The following LOC400499 variants were observed in gnomAD, a reference collection of about 807,000 sequenced individuals.
chr16:11,474,221 TGTGGGACAAA>T, the LOC400499 span, among the ~76,000 whole-genome samples: 2 of 152,212 alleles, frequency 1.3e-5, no homozygotes, highest in East Asian at 3.8e-4. Flanking sequence ...GCTCTGCTGT[TGTGGGACAAA>T]GTGGCTACAG....
At chr16:11,434,917 C>T in the LOC400499 span, among the ~76,000 whole-genome samples, 71,293 of 151,992 alleles carry the variant, frequency 0.47, 16,904 homozygotes, top group South Asian at 0.57. Context: ...TGAGACCAGA[C>T]GGAGACGCAC....
At chr16:11,383,307 T>C in the LOC400499 span, among the ~76,000 whole-genome samples, 1 of 152,192 alleles carries the variant, frequency 6.6e-6, no homozygotes, top group Non-Finnish European at 1.5e-5. Flanking sequence ...GACCTCGTGA[T>C]GCACCCACCT....
chr16:11,385,867 C>G, the LOC400499 span, among the ~76,000 whole-genome samples: 1 of 152,148 alleles, frequency 6.6e-6, no homozygotes, highest in Non-Finnish European at 1.5e-5. Context: ...GCCACTGAAT[C>G]GTACACTTAA....
chr16:11,408,975 G>C, the LOC400499 span, among the ~76,000 whole-genome samples: 2 of 151,808 alleles, frequency 1.3e-5, no homozygotes, highest in Non-Finnish European at 2.9e-5. Flanking sequence ...ATAAAATGTT[G>C]GGGGGCCAGA....
chr16:11,523,273 C>T, the LOC400499 span: 1 of 397,110 alleles, frequency 2.5e-6, no homozygotes, highest in Non-Finnish European at 4.4e-6. Flanking sequence ...CCTTGGTCCT[C>T]CCAACTGGTA....
the LOC400499 span, among the ~76,000 whole-genome samples, chr16:11,479,393 G>A: frequency 1.5e-3 from 230 of 151,918 alleles, 2 homozygotes; most frequent in Admixed American, 3.9e-3. Context: ...AAAGAGGATC[G>A]CTTGAGGCCA....
At chr16:11,498,175 T>C in the LOC400499 span, among the ~76,000 whole-genome samples, 1 of 152,136 alleles carries the variant, frequency 6.6e-6, no homozygotes, top group African/African-American at 2.4e-5. Flanking sequence ...AGAACTTTTG[T>C]TCATTGAAAG....
At chr16:11,455,741 G>GAAAAAAAA in the LOC400499 span, among the ~76,000 whole-genome samples, 11 of 131,566 alleles carry the variant, frequency 8.4e-5, no homozygotes, top group East Asian at 2.4e-4. Flanking sequence ...TCTCAAAAAA[G>GAAAAAAAA]AAAAAAAAAA....
the LOC400499 span, chr16:11,446,885 G>C: frequency 6.5e-7 from 1 of 1,535,764 alleles, no homozygotes; most frequent in African/African-American, 1.4e-5. Context: ...AGGAGGCTCT[G>C]CGGGATGGGC....
At chr16:11,523,325 T>C in the LOC400499 span, 543 of 398,464 alleles carry the variant, frequency 1.4e-3, 2 homozygotes, top group Middle Eastern at 6.3e-3. Context: ...CTGTCTCTAA[T>C]CCCATCTTAC....
At chr16:11,519,709 T>C in the LOC400499 span, among the ~76,000 whole-genome samples, 1 of 147,696 alleles carries the variant, frequency 6.8e-6, no homozygotes, top group African/African-American at 2.5e-5. Context: ...TGACTCCACT[T>C]TTTTTTTTTT....
At chr16:11,461,268 G>A in the LOC400499 span, 3 of 975,424 alleles carry the variant, frequency 3.1e-6, no homozygotes, top group African/African-American at 1.6e-5. Flanking sequence ...TGCACAACAG[G>A]CCACAGACAG....
the LOC400499 span, chr16:11,518,764 CAG>C: frequency 3.0e-5 from 12 of 396,818 alleles, no homozygotes; most frequent in Admixed American, 2.6e-4. Flanking sequence ...CTCTTTGCTA[CAG>C]AGAGGTCACC....
At chr16:11,397,214 G>C in the LOC400499 span, among the ~76,000 whole-genome samples, 1 of 152,328 alleles carries the variant, frequency 6.6e-6, no homozygotes, top group South Asian at 2.1e-4. Context: ...AATGAACAGA[G>C]GAAAAGATAA....
At chr16:11,520,077 A>G in the LOC400499 span, among the ~76,000 whole-genome samples, 2 of 152,174 alleles carry the variant, frequency 1.3e-5, no homozygotes, top group African/African-American at 4.8e-5. Flanking sequence ...AGAGGGGACT[A>G]GAGTCTGCAG....
chr16:11,393,566 G>A, the LOC400499 span: 1 of 1,232,350 alleles, frequency 8.1e-7, no homozygotes, highest in Non-Finnish European at 1.0e-6. Context: ...GAAGCTGGGA[G>A]GGGGAAGGCA....
chr16:11,509,974 A>C, the LOC400499 span, among the ~76,000 whole-genome samples: 1 of 146,844 alleles, frequency 6.8e-6, no homozygotes, highest in Non-Finnish European at 1.5e-5. Flanking sequence ...GACTCATTTT[A>C]ACCGTGTCCT....
the LOC400499 span, among the ~76,000 whole-genome samples, chr16:11,411,015 A>G: frequency 6.6e-6 from 1 of 152,256 alleles, no homozygotes; most frequent in South Asian, 2.1e-4. Flanking sequence ...CCCATCTCCC[A>G]AAGGGCTTGT....
chr16:11,401,210 T>C, the LOC400499 span: 1 of 398,892 alleles, frequency 2.5e-6, no homozygotes, highest in Non-Finnish European at 4.4e-6. Context: ...ACAGGCTCAG[T>C]CACGCGGCTC....
Sources: gnomAD v4.1 joint callset for allele counts (sites outside exome capture counted in the v4.1 genomes callset) on GRCh38, gnomAD v4.1.1 for gene constraint, MANE v1.5 for transcripts.